Variants in CCDC60 observed in about 807,000 individuals in gnomAD.
CCDC60 encodes coiled-coil domain containing 60.
In CCDC60, 54 loss-of-function variants were observed where a neutral mutation model predicts 63.5. The observed-to-expected ratio is 0.85, with a 90% confidence interval of 0.68 to 1.07. CCDC60 has a LOEUF of 1.07. Among genes scored for constraint, CCDC60 ranks in the 50% least tolerant of loss-of-function variants. The pLI is 0.00. For synonymous variants in CCDC60, 206 were observed against 238.8 expected, an observed-to-expected ratio of 0.86 and a Z score of 1.27; for missense variants, 651 against 684.3, an observed-to-expected ratio of 0.95 and a Z score of 0.54.
At chr12:119,466,657 G>A (rs1258434872) in intron 2 of CCDC60, among the ~76,000 whole-genome samples, 7 of 152,084 alleles carry the variant, frequency 4.6e-5, no homozygotes, top group African/African-American at 9.7e-5. Flanking sequence ...TCCAAATGTG[G>A]AACCACTACC....
chr12:119,518,164 A>T (rs1328940205), intron 8 of CCDC60, among the ~76,000 whole-genome samples: 5 of 152,176 alleles, frequency 3.3e-5, no homozygotes, highest in African/African-American at 9.7e-5. Flanking sequence ...AGGCACTCAG[A>T]GACAATGCTG....
At chr12:119,473,869 T>C (rs1336738408) in intron 3 of CCDC60, among the ~76,000 whole-genome samples, 4 of 152,220 alleles carry the variant, frequency 2.6e-5, no homozygotes, top group African/African-American at 4.8e-5. Flanking sequence ...CACTCATTGA[T>C]TGATGGGCAT....
chr12:119,378,034 G>C (rs1485587329), intron 1 of CCDC60, among the ~76,000 whole-genome samples: 2 of 152,214 alleles, frequency 1.3e-5, no homozygotes, highest in Non-Finnish European at 2.9e-5. Flanking sequence ...ATGGTGAAAT[G>C]CACGGGGTTT....
chr12:119,428,610 C>A, intron 1 of CCDC60, 73 bp from the exon 2 acceptor site: 1 of 1,019,854 alleles, frequency 9.8e-7, no homozygotes, highest in Non-Finnish European at 1.5e-6. Flanking sequence ...ACCCATGAGC[C>A]TCCTGTGCCT....
intron 3 of CCDC60, among the ~76,000 whole-genome samples, chr12:119,473,617 C>G (rs937343164): frequency 6.6e-6 from 1 of 152,148 alleles, no homozygotes; most frequent in Non-Finnish European, 1.5e-5. Flanking sequence ...CCCACCCTTC[C>G]CCCAGGAGTC....
At chr12:119,383,043 G>A (rs1227497847) in intron 1 of CCDC60, among the ~76,000 whole-genome samples, 1 of 152,036 alleles carries the variant, frequency 6.6e-6, no homozygotes, top group Non-Finnish European at 1.5e-5. Flanking sequence ...CCACTGCACT[G>A]GAAATTAAAT....
chr12:119,450,871 AG>A (rs1950621202), intron 2 of CCDC60, among the ~76,000 whole-genome samples: 6 of 141,042 alleles, frequency 4.3e-5, no homozygotes, highest in Admixed American at 6.9e-5. Context: ...AAAAAAAAAG[AG>A]AGAGAGAGAG....
chr12:119,511,669 C>G (rs1952217841), intron 7 of CCDC60, among the ~76,000 whole-genome samples: 2 of 152,174 alleles, frequency 1.3e-5, no homozygotes. Context: ...GAAAGGAAGT[C>G]AGGATTTTTT....
intron 1 of CCDC60, among the ~76,000 whole-genome samples, chr12:119,379,343 TG>T (rs1955986301): frequency 1.3e-5 from 2 of 152,160 alleles, no homozygotes; most frequent in African/African-American, 4.8e-5. Flanking sequence ...ACCCAGGAGA[TG>T]TTGAAAGGGC....
At chr12:119,454,207 A>C (rs1373826994) in intron 2 of CCDC60, among the ~76,000 whole-genome samples, 1 of 152,196 alleles carries the variant, frequency 6.6e-6, no homozygotes, top group Non-Finnish European at 1.5e-5. Context: ...GCCTGTGTTT[A>C]AATTCCAGTG....
At chr12:119,361,266 CAAGT>C (rs1955788548) in intron 1 of CCDC60, among the ~76,000 whole-genome samples, 1 of 151,708 alleles carries the variant, frequency 6.6e-6, no homozygotes, top group African/African-American at 2.4e-5. Context: ...CTTTTAGTTG[CAAGT>C]AACAAAACCC....
chr12:119,461,731 A>G (rs777688288), intron 2 of CCDC60, among the ~76,000 whole-genome samples: 3 of 152,198 alleles, frequency 2.0e-5, no homozygotes, highest in Non-Finnish European at 4.4e-5. Flanking sequence ...GGAGTTTTAC[A>G]TCGCACAAAG....
At chr12:119,382,177 CTT>C (rs747199002) in intron 1 of CCDC60, among the ~76,000 whole-genome samples, 29 of 152,232 alleles carry the variant, frequency 1.9e-4, no homozygotes, top group Non-Finnish European at 3.5e-4. Flanking sequence ...CACAAAAACT[CTT>C]TCCCTTGTCA....
chr12:119,372,763 A>G (rs778957484), intron 1 of CCDC60, among the ~76,000 whole-genome samples: 9 of 152,164 alleles, frequency 5.9e-5, no homozygotes, highest in Non-Finnish European at 1.2e-4. Flanking sequence ...ACAAGCCACA[A>G]TGCCTGGGCC....
rs760291861 is a variant in CCDC60, at chr12:119,516,625, C to T, written c.886C>T (p.Leu296=). Residue 296 remains leucine, a splice_region_variant and synonymous_variant, in exon 8 of 14, where the codon CTG becomes TTG. Coordinates refer to ENST00000327554, the MANE Select transcript of CCDC60 (RefSeq NM_178499.5). ...KPDEEPLYMN[L]QKLLEMVRED... ...GTGACCTCTCATATTCTCATCAGAT[C>T]TGCAGAAGCTCCTGGAGATGGTTCG... The T allele has an allele frequency of 1.9e-6, 3 of 1,612,096 alleles. No homozygotes were observed. Among genetic ancestry groups the T allele is most frequent in the Non-Finnish European group, 2.5e-6 (3 of 1,178,362 alleles).
chr12:119,398,481 C>T (rs1016144838), intron 1 of CCDC60, among the ~76,000 whole-genome samples: 1 of 152,330 alleles, frequency 6.6e-6, no homozygotes, highest in South Asian at 2.1e-4. Context: ...CTGAGAGGGG[C>T]TCCCACAGTG....
intron 2 of CCDC60, among the ~76,000 whole-genome samples, chr12:119,450,585 G>A (rs1004982472): frequency 2.0e-5 from 3 of 152,118 alleles, no homozygotes; most frequent in East Asian, 1.9e-4. Flanking sequence ...GAGGCCGGGC[G>A]CAGTGGCTCA....
intron 5 of CCDC60, among the ~76,000 whole-genome samples, chr12:119,489,891 G>A (rs984636190): frequency 3.3e-5 from 5 of 151,384 alleles, no homozygotes; most frequent in African/African-American, 1.2e-4. Flanking sequence ...TCCATCTCCC[G>A]GGTTCAAGCG....
At chr12:119,461,267 T>C (rs1195864006) in intron 2 of CCDC60, among the ~76,000 whole-genome samples, 1 of 152,144 alleles carries the variant, frequency 6.6e-6, no homozygotes, top group Non-Finnish European at 1.5e-5. Context: ...AATAGCCCTT[T>C]GAGGGAGGAA....
Sources: allele counts gnomAD v4.1 joint callset (sites outside exome capture counted in the v4.1 genomes callset), GRCh38; gene constraint gnomAD v4.1.1; transcripts MANE v1.5; gene names NCBI Gene and HGNC (gene_info 2026-07-23, HGNC 2026-07-21).